The following SUGCT variants were observed in gnomAD, a reference collection of about 807,000 sequenced individuals.
SUGCT encodes the protein succinyl-CoA:glutarate CoA-transferase.
A neutral mutation model predicts 55.0 loss-of-function variants in SUGCT; 41 were observed. The ratio of observed to expected loss-of-function variants is 0.74; its 90% CI spans 0.58 to 0.97. The LOEUF (loss-of-function observed/expected upper bound fraction) is 0.97, where lower values mean the gene tolerates loss of function less well. Ranked by LOEUF, SUGCT falls within the 50% of genes least tolerant of loss-of-function variation. The pLI, the probability that SUGCT is intolerant of heterozygous loss-of-function variation, is 0.00. For synonymous variants in SUGCT, 187 were observed against 200.4 expected (o/e 0.93, Z 0.56); for missense variants, 568 against 547.8 (o/e 1.04, Z -0.37).
chr7:40,376,391 T>C (rs539467375), intron 9 of SUGCT, among the ~76,000 whole-genome samples: 5 of 152,158 alleles, frequency 3.3e-5, no homozygotes, highest in Middle Eastern at 3.4e-3. Context: ...TGTATCTTTT[T>C]TTTTTCTTTT....
the SUGCT span, among the ~76,000 whole-genome samples, chr7:40,958,740 G>A: frequency 1.3e-5 from 2 of 151,918 alleles, no homozygotes; most frequent in African/African-American, 4.8e-5. Flanking sequence ...AGGAGAGGAG[G>A]CATTCTGGTT....
At chr7:40,915,661 G>A in the SUGCT span, among the ~76,000 whole-genome samples, 1 of 146,586 alleles carries the variant, frequency 6.8e-6, no homozygotes, top group Non-Finnish European at 1.5e-5. Context: ...GGAAGAGCAG[G>A]AAGAACTTGA....
At chr7:40,903,095 G>A in the SUGCT span, among the ~76,000 whole-genome samples, 1 of 150,634 alleles carries the variant, frequency 6.6e-6, no homozygotes, top group Non-Finnish European at 1.5e-5. Context: ...GCAGTGGTGC[G>A]ATCTCGGCTC....
chr7:40,928,069 T>A, the SUGCT span, among the ~76,000 whole-genome samples: 1 of 152,024 alleles, frequency 6.6e-6, no homozygotes, highest in Non-Finnish European at 1.5e-5. Flanking sequence ...TATTTTTTCC[T>A]AAAATTTCCC....
intron 9 of SUGCT, among the ~76,000 whole-genome samples, chr7:40,370,481 C>G (rs1168295102): frequency 6.6e-6 from 1 of 151,790 alleles, no homozygotes; most frequent in Non-Finnish European, 1.5e-5. Flanking sequence ...GTAATTGAGG[C>G]TATGGAAGGA....
At chr7:40,674,214 A>G (rs1460897858) in intron 12 of SUGCT, among the ~76,000 whole-genome samples, 1 of 152,214 alleles carries the variant, frequency 6.6e-6, no homozygotes, top group Non-Finnish European at 1.5e-5. Flanking sequence ...GGCTACATAA[A>G]ATGGAGACTT....
At chr7:40,661,838 A>G (rs1801314494) in intron 12 of SUGCT, among the ~76,000 whole-genome samples, 2 of 151,972 alleles carry the variant, frequency 1.3e-5, no homozygotes. Flanking sequence ...TTTCTCTACC[A>G]TGTTTTACAT....
intron 12 of SUGCT, among the ~76,000 whole-genome samples, chr7:40,653,901 T>C (rs1335832666): frequency 2.0e-5 from 3 of 152,148 alleles, no homozygotes; most frequent in Admixed American, 1.3e-4. Context: ...TGCGGACTCC[T>C]GTGTGACACA....
intron 9 of SUGCT, among the ~76,000 whole-genome samples, chr7:40,400,949 G>T (rs73688068): frequency 2.0e-5 from 3 of 152,114 alleles, no homozygotes; most frequent in African/African-American, 7.2e-5. Flanking sequence ...TTTCCAATCC[G>T]TATAATCATC....
chr7:40,205,927 A>G lies in SUGCT; in HGVS notation c.484+10867A>G, dbSNP rs73131744. Among the ~76,000 whole-genome samples, 153 of 152,296 alleles carry G rather than the reference A, an allele frequency of 1.0e-3. 1 individual carries two copies. The highest frequency in any genetic ancestry group is 1.5e-3 in the Non-Finnish European group (102 of 68,030). On this transcript the variant is annotated intron_variant, in intron 6 of 13. Transcript: ENST00000335693. ...GAAATACAGTATAAATTTAGTATAGATCATTACCCACTAAGAATCAGTTGA... is the reference window on the plus strand; with the variant it reads ...GAAATACAGTATAAATTTAGTATAGGTCATTACCCACTAAGAATCAGTTGA...
intron 12 of SUGCT, among the ~76,000 whole-genome samples, chr7:40,648,634 G>A (rs1800635601): frequency 1.3e-5 from 2 of 152,256 alleles, no homozygotes; most frequent in African/African-American, 4.8e-5. Flanking sequence ...AATGACTGGT[G>A]TCCTTACAAG....
chr7:40,708,675 G>A (rs1785547990), intron 12 of SUGCT, among the ~76,000 whole-genome samples: 2 of 152,228 alleles, frequency 1.3e-5, no homozygotes, highest in Admixed American at 1.3e-4. Context: ...CCCTGCCTCA[G>A]GTCTTTATAC....
chr7:40,790,110 C>A lies in SUGCT; in HGVS notation c.1153+40613C>A, dbSNP rs546983165. Among the ~76,000 whole-genome samples the A allele has an allele frequency of 6.6e-5, 10 of 152,268 alleles. No homozygotes were observed. The South Asian group carries it at 2.1e-3, about 32-fold the overall frequency. ...CGACATGGTTTGGCTGTGTCACCAC[C>A]CAAATCTCATTTTGAATTAATCGTA... On this transcript the variant is annotated intron_variant, in intron 13 of 13. Transcript: ENST00000335693.
At chr7:40,903,557 T>C in the SUGCT span, among the ~76,000 whole-genome samples, 1 of 152,182 alleles carries the variant, frequency 6.6e-6, no homozygotes, top group Non-Finnish European at 1.5e-5. Flanking sequence ...CTTCTGGCTC[T>C]GAAAGGCCTG....
Position 40,517,671 on chromosome 7 carries a change from A to AT in SUGCT, c.1089+21289dup, listed in dbSNP as rs1420852487. On this transcript the variant is annotated intron_variant, in intron 12 of 13. Coordinates refer to ENST00000335693, the MANE Select transcript of SUGCT (RefSeq NM_001193313.2). The stretch of plus-strand genomic sequence containing the variant: ...TGATGTTCTTATTGAAATTTAGCAG[A>AT]TTTTACCTCTCTAAGCATGTCTTTC... Among the ~76,000 whole-genome samples the AT allele has an allele frequency of 7.9e-5, 12 of 152,132 alleles. No homozygotes were observed. In the South Asian group the frequency reaches 1.9e-3, roughly 24 times the overall value.
the SUGCT span, among the ~76,000 whole-genome samples, chr7:40,921,510 A>C: frequency 6.6e-6 from 1 of 152,200 alleles, no homozygotes; most frequent in Non-Finnish European, 1.5e-5. Context: ...CACCTAGGTG[A>C]AGCAGGCGGC....
intron 12 of SUGCT, among the ~76,000 whole-genome samples, chr7:40,685,378 A>G (rs1784420762): frequency 6.6e-6 from 1 of 152,168 alleles, no homozygotes. Context: ...TTCTCTATAG[A>G]CGTTGCTGTT....
intron 8 of SUGCT, among the ~76,000 whole-genome samples, chr7:40,311,274 GCTAT>G (rs1038223252): frequency 7.9e-5 from 12 of 152,104 alleles, no homozygotes; most frequent in Non-Finnish European, 1.6e-4. Flanking sequence ...CCTTGTCTGA[GCTAT>G]CTATCATCAA....
chr7:40,870,714 C>T, the SUGCT span, among the ~76,000 whole-genome samples: 1 of 152,130 alleles, frequency 6.6e-6, no homozygotes, highest in South Asian at 2.1e-4. Flanking sequence ...TATTCTACTT[C>T]TATTTTTCCT....
Sources: gnomAD v4.1 joint callset for allele counts (sites outside exome capture counted in the v4.1 genomes callset) on GRCh38, gnomAD v4.1.1 for gene constraint, MANE v1.5 for transcripts, NCBI Gene and HGNC (gene_info 2026-07-23, HGNC 2026-07-21) for gene names.